Variants in KIF21A observed in about 807,000 individuals in gnomAD.
KIF21A encodes kinesin-like protein KIF21A.
KIF21A carries 114 observed loss-of-function variants against 202.9 expected under a neutral mutation model. The ratio of observed to expected loss-of-function variants is 0.56; its 90% CI spans 0.48 to 0.66. The LOEUF (loss-of-function observed/expected upper bound fraction) is 0.66, where lower values mean the gene tolerates loss of function less well. Among genes scored for constraint, KIF21A ranks in the 30% least tolerant of loss-of-function variants. The pLI, the probability that KIF21A is intolerant of heterozygous loss-of-function variation, is 0.00. For synonymous variants in KIF21A, 667 were observed against 670.8 expected, an observed-to-expected ratio of 0.99 and a Z score of 0.09; for missense variants, 1,677 against 1,994.9, an observed-to-expected ratio of 0.84 and a Z score of 3.04.
intron 35 of KIF21A, 86 bp from the exon 36 acceptor site, chr12:39,303,221 G>A: frequency 1.8e-6 from 2 of 1,102,946 alleles, no homozygotes; most frequent in Non-Finnish European, 1.4e-6. Flanking sequence ...ACATACACAT[G>A]TATGTTAATC....
chr12:39,356,487 C>CGCCG lies in KIF21A; in HGVS notation c.1469+344_1469+345insCGGC. On this transcript the variant is annotated intron_variant, in intron 10 of 37. Coordinates refer to ENST00000361418, the MANE Select transcript of KIF21A (RefSeq NM_001173464.2). ...TTGGAGATGATGTGTAGATATTGAT[C>CGCCG]TATTCCCAACTGATGGGGGAAGAGG... The CGCCG allele has an allele frequency of 6.8e-5, 12 of 176,372 alleles. No homozygotes were observed. The South Asian group carries it at 8.1e-4, about 12-fold the overall frequency. The allele number at this position is 176,372 out of a possible 1,614,324, so 10.9% of individuals were successfully genotyped here. A position where few individuals can be genotyped will look rare whatever the true frequency, so the allele number is the denominator to read the frequency against.
At chr12:39,369,937 A>C (rs1344208872) in intron 2 of KIF21A, 26 bp from the exon 3 acceptor site, 1 of 1,605,686 alleles carries the variant, frequency 6.2e-7, no homozygotes, top group South Asian at 1.1e-5. Flanking sequence ...GAGAAAGATT[A>C]GTGTTCAACC....
At chr12:39,370,382 T>A (rs1352267603) in intron 1 of KIF21A, 121 bp from the exon 2 acceptor site, 4 of 694,966 alleles carry the variant, frequency 5.8e-6, no homozygotes, top group Non-Finnish European at 1.0e-5. Context: ...TACCTAATGC[T>A]TATTCAGTTG....
intron 37 of KIF21A, among the ~76,000 whole-genome samples, chr12:39,297,128 G>T (rs970796501): frequency 6.6e-6 from 1 of 152,170 alleles, no homozygotes; most frequent in Admixed American, 6.5e-5. Flanking sequence ...AGGAATGAAA[G>T]GTTCTGTCCC....
At chr12:39,413,171 T>G (rs1374364375) in intron 1 of KIF21A, among the ~76,000 whole-genome samples, 1 of 152,170 alleles carries the variant, frequency 6.6e-6, no homozygotes, top group African/African-American at 2.4e-5. Context: ...GAACTTCTTC[T>G]TTATAAAAAA....
At chr12:39,362,917 A>G (rs535742411) in intron 7 of KIF21A, among the ~76,000 whole-genome samples, 181 bp downstream of exon 7, 74 of 152,332 alleles carry the variant, frequency 4.9e-4, no homozygotes, top group African/African-American at 1.7e-3. Context: ...AAGGGATGCT[A>G]GGATTATGTG....
At chr12:39,365,772 G>A (rs1048037398) in intron 6 of KIF21A, among the ~76,000 whole-genome samples, 8 of 152,352 alleles carry the variant, frequency 5.3e-5, no homozygotes, top group Middle Eastern at 3.4e-3. Context: ...CACTTTGGGA[G>A]GTTGAGGTGA....
At chr12:39,306,222 T>G (rs1943460809) in intron 34 of KIF21A, among the ~76,000 whole-genome samples, 1 of 152,250 alleles carries the variant, frequency 6.6e-6, no homozygotes. Context: ...AGTAGCATCT[T>G]GCTGAAATCA....
chr12:39,294,484 A>G lies in KIF21A; in HGVS notation c.4965T>C (p.Asn1655=). The G allele has an allele frequency of 1.2e-6, 2 of 1,613,936 alleles. No homozygotes were observed. The highest frequency in any genetic ancestry group is 1.7e-6 in the Non-Finnish European group (2 of 1,179,886). The change falls in exon 38 of 38, where the codon AAT becomes AAC. Residue 1655 remains asparagine, a synonymous_variant. Transcript: ENST00000361418. ...DRTVRIWKAR[N]LQDGQISDTG... ...TGTCAGAGATCTGACCATCTTGCAA[A>G]TTGCGAGCCTTCCAAATTCTCACAG...
At chr12:39,355,780 A>T (rs1948738149) in intron 10 of KIF21A, among the ~76,000 whole-genome samples, 1 of 147,742 alleles carries the variant, frequency 6.8e-6, no homozygotes, top group South Asian at 2.2e-4. Context: ...ACACACATAC[A>T]CAGAATAAAA....
At chr12:39,408,908 C>G (rs1206572680) in intron 1 of KIF21A, among the ~76,000 whole-genome samples, 7 of 152,138 alleles carry the variant, frequency 4.6e-5, no homozygotes. Context: ...CAGCCTCAAC[C>G]TTCTGGGCTC....
intron 6 of KIF21A, among the ~76,000 whole-genome samples, chr12:39,364,079 A>T (rs1257623471): frequency 6.6e-6 from 1 of 152,146 alleles, no homozygotes; most frequent in Non-Finnish European, 1.5e-5. Context: ...AAACTAGTCA[A>T]ATTACAGAAC....
Position 39,337,117 on chromosome 12 carries a change from T to C in KIF21A, c.2397A>G (p.Lys799=). 6.2e-7 allele frequency: 1 copy of C among 1,607,752 alleles called. No individual in the cohort carries two copies. Among genetic ancestry groups the C allele is most frequent in the Non-Finnish European group, 8.5e-7 (1 of 1,175,394 alleles). The change falls in exon 17 of 38, where the codon AAA becomes AAG. Residue 799 remains lysine, a synonymous_variant. Transcript: ENST00000361418. ...SRRNREIAQL[K]KDQRKRDHQL... ...TTACATCTCTTTTACGTTGATCCTT[T>C]TTCAACTGAGCAATCTCTCTGTTTC...
chr12:39,406,216 A>C (rs1202404680), intron 1 of KIF21A, among the ~76,000 whole-genome samples: 1 of 152,240 alleles, frequency 6.6e-6, no homozygotes, highest in Admixed American at 6.5e-5. Flanking sequence ...CAAATTTTCA[A>C]GCAACATATT....
At chr12:39,295,721 A>C (rs1591988373) in intron 37 of KIF21A, among the ~76,000 whole-genome samples, 2 of 52,240 alleles carry the variant, frequency 3.8e-5, no homozygotes, top group Non-Finnish European at 3.7e-5. Flanking sequence ...TTTTTTTTTG[A>C]CAGAATCTCG....
intron 1 of KIF21A, among the ~76,000 whole-genome samples, chr12:39,404,905 C>T (rs1952462886): frequency 1.3e-5 from 2 of 151,892 alleles, no homozygotes; most frequent in South Asian, 2.1e-4. Flanking sequence ...ATATTCCTTG[C>T]TGAACTAATA....
In KIF21A at chr12:39,340,918, G is replaced by A. The variant is rs1309369202; in HGVS notation, c.2098C>T (p.Leu700Phe). 6.2e-7 allele frequency: 1 copy of A among 1,607,980 alleles called. No individual in the cohort carries two copies. Among genetic ancestry groups the A allele is most frequent in the Non-Finnish European group, 8.5e-7 (1 of 1,175,054 alleles). The change falls in exon 15 of 38, where the codon CTT becomes TTT. Residue 700 changes from leucine to phenylalanine, a missense_variant. Physicochemically the swap from Leu to Phe is conservative, Grantham distance 22 (BLOSUM62 0). Around this residue, in one of 3 missense-constraint regions of KIF21A, gnomAD observed 966 missense variants for 1,180.9 expected, o/e 0.82. Coordinates refer to ENST00000361418, the MANE Select transcript of KIF21A (RefSeq NM_001173464.2). ...RDTQLERDQVLQNLGSVESYS... is the reference protein window; with the variant it reads ...RDTQLERDQVFQNLGSVESYS... ...ATATAATTCTTACCTAAGTTTTGAA[G>A]CACCTGGTCTCTTTCAAGCTGAGTA...
intron 1 of KIF21A, among the ~76,000 whole-genome samples, chr12:39,378,383 GA>G (rs965309963): frequency 6.6e-6 from 1 of 151,526 alleles, no homozygotes; most frequent in Non-Finnish European, 1.5e-5. Context: ...ACAAAATAAA[GA>G]AAAAAAATAG....
chr12:39,322,573 A>G (rs763169140), intron 27 of KIF21A, 95 bp downstream of exon 27: 49 of 908,528 alleles, frequency 5.4e-5, no homozygotes, highest in Non-Finnish European at 7.6e-5. Context: ...AAATTTATAT[A>G]AATTTTAAAT....
Sources: allele counts gnomAD v4.1 joint callset (sites outside exome capture counted in the v4.1 genomes callset), GRCh38; gene constraint gnomAD v4.1.1; regional missense constraint gnomAD v4.1.1; transcripts MANE v1.5; gene names NCBI Gene and HGNC (gene_info 2026-07-23, HGNC 2026-07-21).